The following CLMP variants were observed in gnomAD, a reference collection of about 807,000 sequenced individuals.
The protein encoded by CLMP is CXADR like cell adhesion molecule.
Under a neutral mutation model 45.2 loss-of-function variants are expected in CLMP, and 27 were observed. That is an observed-to-expected ratio of 0.60 (90% CI 0.44 to 0.82). The LOEUF is 0.82. CLMP is among the 40% of genes least tolerant of loss of function. The pLI, the probability that CLMP is intolerant of heterozygous loss-of-function variation, is 0.00. For synonymous variants in CLMP, 167 were observed against 171.4 expected (o/e 0.97, Z 0.20); for missense variants, 403 against 448.4 (o/e 0.90, Z 0.91).
intron 2 of CLMP, among the ~76,000 whole-genome samples, chr11:123,089,704 G>A (rs1477890286): frequency 6.7e-6 from 1 of 150,192 alleles, no homozygotes; most frequent in Non-Finnish European, 1.5e-5. Flanking sequence ...ATGAACCCAG[G>A]AGGCGGAGCT....
At chr11:123,133,744 G>T (rs758680140) in intron 1 of CLMP, among the ~76,000 whole-genome samples, 1 of 152,096 alleles carries the variant, frequency 6.6e-6, no homozygotes. Flanking sequence ...GATATGAGAG[G>T]CAACCTCCTT....
chr11:123,157,491 T>C lies in CLMP; in HGVS notation c.28+37422A>G, dbSNP rs553889824. On this transcript the variant is annotated intron_variant, in intron 1 of 6. Transcript: ENST00000448775. ...TCACTTGAACCCAGGAGGCAGAGGTTGCAGTGAGCCGAGATCGCGCCATTG... is the reference window on the plus strand; with the variant it reads ...TCACTTGAACCCAGGAGGCAGAGGTCGCAGTGAGCCGAGATCGCGCCATTG... 2.6e-5 allele frequency among the ~76,000 whole-genome samples: 4 copies of C among 151,852 alleles called. No individual in the cohort carries two copies. In the South Asian group the frequency reaches 6.2e-4, roughly 24 times the overall value.
chr11:123,083,820 A>G lies in CLMP; in HGVS notation c.416T>C (p.Leu139Ser). Reference sequence around the variant, plus strand: ...ACTTCCTTCTGTCAGCTCTCCTTCCAACTCACACTTGGGCTTGGATGGTCT... The same window carrying G: ...ACTTCCTTCTGTCAGCTCTCCTTCCGACTCACACTTGGGCTTGGATGGTCT... ...LVRPSKPKCE[L>S]EGELTEGSDL... The change falls in exon 4 of 7, where the codon TTG becomes TCG. Residue 139 changes from leucine (L) to serine (S), a missense_variant. Transcript: ENST00000448775. The G allele has an allele frequency of 6.2e-7, 1 of 1,613,518 alleles. No individual in the cohort carries two copies. The highest frequency in any genetic ancestry group is 8.5e-7 in the Non-Finnish European group (1 of 1,180,020).
chr11:123,095,245 A>G (rs1865976171), intron 2 of CLMP, among the ~76,000 whole-genome samples: 1 of 152,144 alleles, frequency 6.6e-6, no homozygotes, highest in Non-Finnish European at 1.5e-5. Context: ...AAATGAAAAT[A>G]CTTGGGTGAA....
chr11:123,098,850 G>A (rs1259286967), intron 1 of CLMP, among the ~76,000 whole-genome samples: 2 of 151,414 alleles, frequency 1.3e-5, no homozygotes, highest in Non-Finnish European at 2.9e-5. Flanking sequence ...GGGATTACAG[G>A]CACGCTGTAA....
At chr11:123,174,884 T>A (rs965323929) in intron 1 of CLMP, among the ~76,000 whole-genome samples, 1 of 152,174 alleles carries the variant, frequency 6.6e-6, no homozygotes, top group African/African-American at 2.4e-5. Context: ...TAGTGGAATG[T>A]TAATGCCTGT....
At chr11:123,181,128 G>A (rs1861763377) in intron 1 of CLMP, among the ~76,000 whole-genome samples, 1 of 152,204 alleles carries the variant, frequency 6.6e-6, no homozygotes, top group South Asian at 2.1e-4. Context: ...CTATAGCAGA[G>A]AGGGAACCTA....
rs1565397486 is a variant in CLMP, at chr11:123,150,485, AAGG to A, written c.28+44425_28+44427del. Among the ~76,000 whole-genome samples the A allele has an allele frequency of 1.0e-3, 111 of 109,870 alleles. 1 individual carries two copies. The highest frequency in any genetic ancestry group is 2.7e-3 in the African/African-American group (74 of 26,912). 72.1% of individuals were successfully genotyped at this position (109,870 alleles called of 152,430 possible). On this transcript the variant is annotated intron_variant, in intron 1 of 6. Transcript: ENST00000448775. Reference sequence around the variant, plus strand: ...AAAGAAAGAAAGAAAGAAAGAAAGGAAGGAAGGAAGGAAGGAAGGAAGGAAGGA... The same window carrying A: ...AAAGAAAGAAAGAAAGAAAGAAAGGAAAGGAAGGAAGGAAGGAAGGAAGGA...
Position 123,074,692 on chromosome 11 carries a change from G to A in CLMP, c.821+10C>T. 1 of 1,613,664 alleles carries A rather than the reference G, an allele frequency of 6.2e-7. No individual in the cohort carries two copies. The highest frequency in any genetic ancestry group is 8.5e-7 in the Non-Finnish European group (1 of 1,179,680). On this transcript the variant is annotated intron_variant, in intron 6 of 6. Coordinates refer to ENST00000448775, the MANE Select transcript of CLMP (RefSeq NM_024769.5). ...GAAGCCCCGTAAAAGTAGGGATGTG[G>A]GAGGTTTACCGAATTTCATTAGGTC...
intron 1 of CLMP, among the ~76,000 whole-genome samples, chr11:123,161,600 C>T (rs889688161): frequency 3.3e-5 from 5 of 151,950 alleles, no homozygotes; most frequent in African/African-American, 9.7e-5. Flanking sequence ...TTCTTGAGCC[C>T]GGGAAAGAAA....
rs1039114928 is a variant in CLMP at position 123,070,531 on chromosome 11, T to C, written c.*2943A>G. 3.9e-5 allele frequency: 6 copies of C among 152,226 alleles called. No individual in the cohort carries two copies. The highest frequency in any genetic ancestry group is 8.8e-5 in the Non-Finnish European group (6 of 68,034). 9.4% of individuals were successfully genotyped at this position (152,226 alleles called of 1,614,324 possible). A position where few individuals can be genotyped will look rare whatever the true frequency, so the allele number is the denominator to read the frequency against. On this transcript the variant is annotated 3_prime_UTR_variant, in exon 7 of 7. Transcript: ENST00000448775. The stretch of plus-strand genomic sequence containing the variant: ...ACATGTTTAAAAATCTAAGGCTCTT[T>C]TTCATGCAAAGGAGACTGATTTTTG...
rs570808152 is a variant in CLMP at position 123,167,178 on chromosome 11, C to T, written c.28+27735G>A. Among the ~76,000 whole-genome samples the T allele has an allele frequency of 7.2e-5, 11 of 152,292 alleles. 1 individual carries two copies. The South Asian group carries it at 1.2e-3, about 17-fold the overall frequency. Reference sequence around the variant, plus strand: ...CTCTATGAAGAGGTATCATTATTATCGTCCTTTGTTTTGGGAAGCTGAGGA... The same window carrying T: ...CTCTATGAAGAGGTATCATTATTATTGTCCTTTGTTTTGGGAAGCTGAGGA... On this transcript the variant is annotated intron_variant, in intron 1 of 6. Transcript: ENST00000448775.
chr11:123,145,130 A>C (rs1243420344), intron 1 of CLMP, among the ~76,000 whole-genome samples: 4 of 152,222 alleles, frequency 2.6e-5, no homozygotes, highest in African/African-American at 9.6e-5. Context: ...GGGTTAAATG[A>C]AAATATATTA....
intron 1 of CLMP, among the ~76,000 whole-genome samples, chr11:123,125,390 A>G (rs1248272964): frequency 6.6e-6 from 1 of 151,890 alleles, no homozygotes; most frequent in African/African-American, 2.4e-5. Context: ...AGACTCCTGC[A>G]TGAACACTCA....
At chr11:123,139,545 G>C (rs903392778) in intron 1 of CLMP, among the ~76,000 whole-genome samples, 5 of 152,154 alleles carry the variant, frequency 3.3e-5, no homozygotes, top group African/African-American at 1.2e-4. Context: ...ATGGTAGAAG[G>C]GTCGGGCGCT....
At position 123,069,931 on chromosome 11, in the gene CLMP, G is replaced by T. The variant is rs1053595763; in HGVS notation, c.*3543C>A. ...CAGATGCATCCATAATAAATATTTG[G>T]TTTTTGTGATGCTGAAACACAGTCC... is the stretch of plus-strand genomic sequence containing the variant. On this transcript the variant is annotated 3_prime_UTR_variant, in exon 7 of 7. Coordinates refer to ENST00000448775, the MANE Select transcript of CLMP (RefSeq NM_024769.5). The T allele has an allele frequency of 2.0e-5, 3 of 152,072 alleles. No individual in the cohort carries two copies. The highest frequency in any genetic ancestry group is 2.9e-5 in the Non-Finnish European group (2 of 68,016). The allele number at this position is 152,072 out of a possible 1,614,324, so 9.4% of individuals were successfully genotyped here.
chr11:123,150,694 A>G (rs2135525693), intron 1 of CLMP, among the ~76,000 whole-genome samples: 1 of 152,312 alleles, frequency 6.6e-6, no homozygotes, highest in East Asian at 1.9e-4. Flanking sequence ...CCACTCTCCC[A>G]CAAATTCTGA....
intron 1 of CLMP, among the ~76,000 whole-genome samples, chr11:123,101,035 T>G (rs1347864673): frequency 6.6e-6 from 1 of 152,132 alleles, no homozygotes; most frequent in Non-Finnish European, 1.5e-5. Flanking sequence ...TAGAGACACC[T>G]ATTCTTGTAT....
intron 1 of CLMP, among the ~76,000 whole-genome samples, chr11:123,160,425 T>C (rs1433296384): frequency 2.0e-5 from 3 of 152,148 alleles, no homozygotes; most frequent in Admixed American, 6.6e-5. Context: ...ATGTCTTCAC[T>C]GCACTTATTA....
Sources: gnomAD v4.1 joint callset for allele counts (sites outside exome capture counted in the v4.1 genomes callset) on GRCh38, gnomAD v4.1.1 for gene constraint, MANE v1.5 for transcripts, NCBI Gene and HGNC (gene_info 2026-07-23, HGNC 2026-07-21) for gene names.